Variants in RXRG observed in about 807,000 individuals in gnomAD.
The protein encoded by RXRG is retinoid X receptor gamma.
A neutral mutation model predicts 49.2 loss-of-function variants in RXRG; 19 were observed. That is an observed-to-expected ratio of 0.39 (90% CI 0.27 to 0.57). RXRG has a LOEUF of 0.57. RXRG is among the 20% of genes least tolerant of loss of function. The pLI, the probability that RXRG is intolerant of heterozygous loss-of-function variation, is 0.64. For missense variants in RXRG, 452 were observed against 592.5 expected (o/e 0.76, Z 2.46); for synonymous variants, 224 against 216.6 (o/e 1.03, Z -0.30).
chr1:165,435,224 T>C (rs1289055474), intron 1 of RXRG, among the ~76,000 whole-genome samples: 1 of 152,210 alleles, frequency 6.6e-6, no homozygotes, highest in African/African-American at 2.4e-5. Flanking sequence ...TTCACAAGCA[T>C]TTCCAATAAG....
intron 1 of RXRG, among the ~76,000 whole-genome samples, chr1:165,434,280 A>ATGTGTGTGTGTGTG (rs57708987): frequency 0.035 from 4,570 of 130,980 alleles, 83 homozygotes; most frequent in Non-Finnish European, 0.039. Context: ...GCATGTGTGT[A>ATGTGTGTGTGTGTG]TGTGTGTGTG....
Position 165,406,820 on chromosome 1 carries a change from C to G in RXRG, c.1236G>C (p.Gln412His). 6.2e-7 allele frequency: 1 copy of G among 1,613,292 alleles called. No individual in the cohort carries two copies. Among genetic ancestry groups the G allele is most frequent in the South Asian group, 1.1e-5 (1 of 91,062 alleles). Residue 412 changes from glutamine (Q) to histidine (H), a missense_variant, in exon 9 of 10, where the codon CAG becomes CAC. Coordinates refer to ENST00000359842, the MANE Select transcript of RXRG (RefSeq NM_006917.5). ...EAYTKQKYPE[Q>H]PGRFAKLLLR... is the part of the protein sequence containing the mutation. Reference sequence around the variant, plus strand: ...TGCCAGCACTGTCTCACCTGCCTGGCTGTTCCGGATACTTCTGCTTGGTGT... The same window carrying G: ...TGCCAGCACTGTCTCACCTGCCTGGGTGTTCCGGATACTTCTGCTTGGTGT...
At chr1:165,404,248 A>G (rs913190300) in intron 9 of RXRG, among the ~76,000 whole-genome samples, 1 of 152,224 alleles carries the variant, frequency 6.6e-6, no homozygotes, top group Non-Finnish European at 1.5e-5. Flanking sequence ...CAGGGCAGTC[A>G]GCCTCAGTCC....
chr1:165,419,802 A>G, intron 3 of RXRG, 68 bp downstream of exon 3: 1 of 1,386,056 alleles, frequency 7.2e-7, no homozygotes, highest in Non-Finnish European at 9.6e-7. Flanking sequence ...AGTACAAAGT[A>G]TCCAGGCAGA....
chr1:165,437,235 C>T (rs1233397353), intron 1 of RXRG: 13 of 1,365,904 alleles, frequency 9.5e-6, no homozygotes, highest in Non-Finnish European at 1.3e-5. Context: ...AGTCAGTCAG[C>T]CAGCACGCCT....
rs1328757764 is a variant in RXRG, at chr1:165,428,701, G to A, written c.297+18C>T. 1.9e-6 allele frequency: 3 copies of A among 1,569,156 alleles called. No individual in the cohort carries two copies. Among genetic ancestry groups the A allele is most frequent in the Non-Finnish European group, 2.6e-6 (3 of 1,153,882 alleles). ...ATGTAAGATGGCTGGAAAGGCCTTG[G>A]AGAGGAAGAACACTTACCTGAGAGC... On this transcript the variant is annotated intron_variant, in intron 2 of 9. Coordinates refer to ENST00000359842, the MANE Select transcript of RXRG (RefSeq NM_006917.5).
At chr1:165,443,850 G>A (rs1356021167) in intron 1 of RXRG, among the ~76,000 whole-genome samples, 1 of 152,204 alleles carries the variant, frequency 6.6e-6, no homozygotes, top group Non-Finnish European at 1.5e-5. Flanking sequence ...CTGGAGAGCA[G>A]GGACTTTTCA....
intron 1 of RXRG, among the ~76,000 whole-genome samples, chr1:165,442,788 A>G (rs1312060692): frequency 6.6e-6 from 1 of 152,182 alleles, no homozygotes; most frequent in African/African-American, 2.4e-5. Flanking sequence ...TACTCTAAGG[A>G]TGAGATTATA....
intron 9 of RXRG, among the ~76,000 whole-genome samples, chr1:165,402,744 A>G (rs1004461466): frequency 6.6e-6 from 1 of 151,890 alleles, no homozygotes; most frequent in African/African-American, 2.4e-5. Flanking sequence ...ACACACACTC[A>G]TGCACACACA....
At chr1:165,436,888 G>A (rs1272035974) in intron 1 of RXRG, 1 of 1,104,890 alleles carries the variant, frequency 9.1e-7, no homozygotes. Flanking sequence ...CCAAACTCCT[G>A]GTGGGATTTC....
chr1:165,424,415 A>G (rs919399131), intron 2 of RXRG, among the ~76,000 whole-genome samples: 2 of 152,242 alleles, frequency 1.3e-5, no homozygotes, highest in Admixed American at 6.5e-5. Context: ...ACTGCTATAG[A>G]GCATCGCACG....
chr1:165,439,974 G>C (rs892181408), intron 1 of RXRG, among the ~76,000 whole-genome samples: 11 of 152,176 alleles, frequency 7.2e-5, no homozygotes, highest in Non-Finnish European at 1.3e-4. Context: ...ATTAGGCTGG[G>C]CTGGGAGCCC....
intron 3 of RXRG, among the ~76,000 whole-genome samples, chr1:165,418,184 GC>G (rs1279139593): frequency 6.9e-6 from 1 of 145,894 alleles, no homozygotes; most frequent in Admixed American, 7.0e-5. Flanking sequence ...ATATTTCATT[GC>G]CCTTATTACC....
chr1:165,439,015 C>G (rs956914483), intron 1 of RXRG, among the ~76,000 whole-genome samples: 2 of 152,008 alleles, frequency 1.3e-5, no homozygotes, highest in Non-Finnish European at 2.9e-5. Flanking sequence ...TTTCTAAAAT[C>G]CCCACTGAGT....
chr1:165,411,555 G>A (rs1300981753), intron 4 of RXRG, among the ~76,000 whole-genome samples: 2 of 152,116 alleles, frequency 1.3e-5, no homozygotes, highest in African/African-American at 2.4e-5. Context: ...TGGCATTCAC[G>A]TCCCATTAGG....
rs147217590 is a variant in RXRG at position 165,430,450 on chromosome 1, G to A, written c.50-1484C>T. On this transcript the variant is annotated intron_variant, in intron 1 of 9. Transcript: ENST00000359842. ...TATAACTGTGAAACTATTCTTAAAC[G>A]TAAATATTCCACTGGAAAAAATGTC... 3.3e-5 allele frequency among the ~76,000 whole-genome samples: 5 copies of A among 152,328 alleles called. No individual in the cohort carries two copies. In the East Asian group the frequency reaches 9.6e-4, roughly 29 times the overall value.
At chr1:165,440,303 G>A (rs558469579) in intron 1 of RXRG, among the ~76,000 whole-genome samples, 1 of 152,236 alleles carries the variant, frequency 6.6e-6, no homozygotes, top group Admixed American at 6.5e-5. Context: ...TGTATAATGG[G>A]GGTAATAAAA....
chr1:165,429,581 T>C (rs1658608752), intron 1 of RXRG, among the ~76,000 whole-genome samples: 1 of 152,194 alleles, frequency 6.6e-6, no homozygotes, highest in South Asian at 2.1e-4. Context: ...CTATATCTAT[T>C]GAAGCTTTAT....
chr1:165,421,718 G>A (rs1658322559), intron 2 of RXRG, among the ~76,000 whole-genome samples: 1 of 152,036 alleles, frequency 6.6e-6, no homozygotes, highest in Non-Finnish European at 1.5e-5. Flanking sequence ...TTTTGGTAGA[G>A]ACAGGATTTA....
Sources: allele counts gnomAD v4.1 joint callset (sites outside exome capture counted in the v4.1 genomes callset), GRCh38; gene constraint gnomAD v4.1.1; transcripts MANE v1.5; gene names NCBI Gene and HGNC (gene_info 2026-07-23, HGNC 2026-07-21).